ANO2: variants seen among roughly 807,000 people sequenced by gnomAD.
ANO2 encodes anoctamin-2.
ANO2 carries 101 observed loss-of-function variants against 124.2 expected under a neutral mutation model. The ratio of observed to expected loss-of-function variants is 0.81; its 90% CI spans 0.69 to 0.96. The LOEUF is 0.96. Ranked by LOEUF, ANO2 falls within the 40% of genes least tolerant of loss-of-function variation. ANO2 has a pLI of 0.00. For synonymous variants in ANO2, 486 were observed against 482.5 expected, an observed-to-expected ratio of 1.01 and a Z score of -0.09; for missense variants, 1,293 against 1,274.5, an observed-to-expected ratio of 1.01 and a Z score of -0.22.
chr12:5,787,526 G>A lies in ANO2; in HGVS notation c.1055+11981C>T, dbSNP rs1952572997. On this transcript the variant is annotated intron_variant, in intron 10 of 24. Coordinates refer to ENST00000682330, the MANE Select transcript of ANO2 (RefSeq NM_001364791.2). This position sits in a 1 kb window ranked among gnomAD's most constrained non-coding sequence, Gnocchi z 4.2. ...TTGTGACTTTGGGCCACTTAATAAT[G>A]TCTTTGTGCTTCAATTTCCTCTTCT... Among the ~76,000 whole-genome samples, 1 of 152,112 alleles carries A rather than the reference G, an allele frequency of 6.6e-6. No individual in the cohort carries two copies. The highest frequency in any genetic ancestry group is 6.5e-5 in the Admixed American group (1 of 15,276).
chr12:5,883,502 GGTGT>G (rs5796191), intron 3 of ANO2, among the ~76,000 whole-genome samples: 25,514 of 144,328 alleles, frequency 0.18, 2,246 homozygotes, highest in East Asian at 0.27. Context: ...ACATTAGGGT[GGTGT>G]GTGTGTGTGT....
In ANO2 at chr12:5,806,084, C is replaced by A. The variant is rs762738983; in HGVS notation, c.958G>T (p.Asp320Tyr). 22 of 1,613,680 alleles carry A rather than the reference C, an allele frequency of 1.4e-5. No individual in the cohort carries two copies. The highest frequency in any genetic ancestry group is 1.9e-5 in the Non-Finnish European group (22 of 1,179,758). ...AAYPLHDGEY[D>Y]SPEDDMNDRK... ...TCATTCATATCGTCCTCTGGACTAT[C>A]GTATTCACCCTGTGGAGAAAAAGTG... The change falls in exon 9 of 25, where the codon GAT becomes TAT. Residue 320 changes from aspartate to tyrosine, a missense_variant. Transcript: ENST00000682330.
At chr12:5,922,019 C>T (rs1438532588) in intron 2 of ANO2, among the ~76,000 whole-genome samples, 3 of 152,124 alleles carry the variant, frequency 2.0e-5, no homozygotes, top group Non-Finnish European at 1.5e-5. Flanking sequence ...CCCTCCCACC[C>T]ACGGGAATTC....
At chr12:5,627,431 G>A (rs548502451) in intron 16 of ANO2, among the ~76,000 whole-genome samples, 103 of 152,342 alleles carry the variant, frequency 6.8e-4, no homozygotes, top group African/African-American at 2.4e-3. Context: ...CCCGCAGAGA[G>A]GCATAGGCCC....
chr12:5,617,384 A>T (rs1944873028), intron 16 of ANO2, among the ~76,000 whole-genome samples: 1 of 151,878 alleles, frequency 6.6e-6, no homozygotes, highest in Non-Finnish European at 1.5e-5. Flanking sequence ...TGCAGATCAC[A>T]CTGTACCACA....
At chr12:5,794,675 C>T (rs912416755) in intron 10 of ANO2, among the ~76,000 whole-genome samples, 2 of 152,140 alleles carry the variant, frequency 1.3e-5, no homozygotes, top group Non-Finnish European at 2.9e-5. Context: ...TCGCTATATC[C>T]GGTCTTGCAC....
At chr12:5,634,063 G>A (rs1354871527) in intron 16 of ANO2, among the ~76,000 whole-genome samples, 2 of 152,084 alleles carry the variant, frequency 1.3e-5, no homozygotes, top group African/African-American at 4.8e-5. Context: ...TAAATATGCT[G>A]AATTAAAATT....
chr12:5,587,971 C>T (rs918729522), intron 20 of ANO2, among the ~76,000 whole-genome samples: 2 of 152,236 alleles, frequency 1.3e-5, no homozygotes, highest in Non-Finnish European at 2.9e-5. Flanking sequence ...AGGACCTGCC[C>T]CACCATTCCT....
At chr12:5,642,985 C>A (rs1425448864) in intron 15 of ANO2, among the ~76,000 whole-genome samples, 5 of 152,108 alleles carry the variant, frequency 3.3e-5, no homozygotes, top group African/African-American at 1.2e-4. Flanking sequence ...TTAATGAGAA[C>A]TTACCTGACC....
chr12:5,920,982 G>A, intron 3 of ANO2, 58 bp downstream of exon 3: 3 of 1,543,832 alleles, frequency 1.9e-6, no homozygotes, highest in South Asian at 1.2e-5. Context: ...TGCTCACTAG[G>A]AGCCCGGTTC....
At chr12:5,876,071 G>C (rs1276863994) in intron 3 of ANO2, among the ~76,000 whole-genome samples, 2 of 152,218 alleles carry the variant, frequency 1.3e-5, no homozygotes, top group African/African-American at 4.8e-5. Flanking sequence ...CCAAGGGGCA[G>C]GGCCAGCCCA....
At chr12:5,639,578 A>G (rs987203765) in intron 15 of ANO2, among the ~76,000 whole-genome samples, 2 of 152,204 alleles carry the variant, frequency 1.3e-5, no homozygotes, top group Non-Finnish European at 2.9e-5. Flanking sequence ...GGAAAGAGAC[A>G]GCTGAGAAAG....
At chr12:5,619,965 G>A (rs1202756823) in intron 16 of ANO2, among the ~76,000 whole-genome samples, 4 of 152,210 alleles carry the variant, frequency 2.6e-5, no homozygotes, top group Non-Finnish European at 5.9e-5. Context: ...TTCTGAGCAG[G>A]CCCAGAGGTC....
chr12:5,833,412 T>C (rs118144831), intron 4 of ANO2, among the ~76,000 whole-genome samples: 51 of 152,336 alleles, frequency 3.3e-4, no homozygotes, highest in Non-Finnish European at 7.2e-4. Flanking sequence ...CCACAGATTT[T>C]TCACACATAT....
At chr12:5,802,383 G>T (rs1953067846) in intron 9 of ANO2, among the ~76,000 whole-genome samples, 1 of 152,220 alleles carries the variant, frequency 6.6e-6, no homozygotes, top group Non-Finnish European at 1.5e-5. Flanking sequence ...CAGACAGCTG[G>T]AGCTACAGAG....
chr12:5,935,427 T>C (rs893095799), intron 1 of ANO2, among the ~76,000 whole-genome samples: 8 of 152,244 alleles, frequency 5.3e-5, no homozygotes, highest in Admixed American at 4.6e-4. Context: ...TGACTGGAGA[T>C]AGCATAATAA....
intron 14 of ANO2, among the ~76,000 whole-genome samples, chr12:5,713,159 G>C (rs1406086105): frequency 7.2e-5 from 11 of 152,166 alleles, no homozygotes; most frequent in African/African-American, 2.7e-4. Flanking sequence ...CCTGAACTCA[G>C]GGGATGAGCA....
chr12:5,916,492 T>A (rs201686385), intron 3 of ANO2, among the ~76,000 whole-genome samples: 16,090 of 92,336 alleles, frequency 0.17, 1,429 homozygotes, highest in Non-Finnish European at 0.22. Flanking sequence ...CGCAGCAGGT[T>A]AAAAAAAAAA....
chr12:5,834,136 C>A (rs1954242933), intron 4 of ANO2, among the ~76,000 whole-genome samples: 1 of 152,140 alleles, frequency 6.6e-6, no homozygotes, highest in Admixed American at 6.5e-5. Context: ...CCACATGAAG[C>A]AGAATAATCA....
Sources: gnomAD v4.1 joint callset for allele counts (sites outside exome capture counted in the v4.1 genomes callset) on GRCh38, gnomAD v4.1.1 for gene constraint, Gnocchi (gnomAD v3.1) non-coding constraint, MANE v1.5 for transcripts, NCBI Gene and HGNC (gene_info 2026-07-23, HGNC 2026-07-21) for gene names.